Variants in COL25A1 observed in about 807,000 individuals in gnomAD.
COL25A1 encodes collagen type XXV alpha 1 chain, also known as collagen alpha-1(XXV) chain.
COL25A1 carries 103 observed loss-of-function variants against 128.4 expected under a neutral mutation model. That is an observed-to-expected ratio of 0.80 (90% CI 0.68 to 0.94). The LOEUF is 0.94. Among genes scored for constraint, COL25A1 ranks in the 40% least tolerant of loss-of-function variants. The probability of loss-of-function intolerance (pLI) is 0.00; values close to 1 mark genes in which losing one functional copy is unlikely to be tolerated. For synonymous variants in COL25A1, 279 were observed against 277.2 expected, an observed-to-expected ratio of 1.01 and a Z score of -0.06; for missense variants, 745 against 840.0, an observed-to-expected ratio of 0.89 and a Z score of 1.40.
chr4:109,254,503 ATATG>A (rs1358075506), intron 3 of COL25A1, among the ~76,000 whole-genome samples: 1 of 113,900 alleles, frequency 8.8e-6, no homozygotes, highest in Non-Finnish European at 1.8e-5. Context: ...ATATATATAT[ATATG>A]TATGTGTGTA....
chr4:109,086,783 T>C (rs904641444), intron 3 of COL25A1, among the ~76,000 whole-genome samples: 6 of 152,194 alleles, frequency 3.9e-5, no homozygotes, highest in Non-Finnish European at 8.8e-5. Flanking sequence ...CTGTTTCTAC[T>C]CAGAGGGGCC....
At position 109,200,368 on chromosome 4, in the gene COL25A1, T is replaced by C. The variant is rs117759369; in HGVS notation, c.367+100215A>G. On this transcript the variant is annotated intron_variant, in intron 3 of 37. Coordinates refer to ENST00000399132, the MANE Select transcript of COL25A1 (RefSeq NM_198721.4). ...GCATTCTGGCAATTTTATCAAAGAA[T>C]TTTGAATCACCAAATCCATGGCTCT... Among the ~76,000 whole-genome samples the C allele has an allele frequency of 0.011, 1,633 of 152,334 alleles. 59 individuals carry two copies. The South Asian group carries it at 0.14, about 13-fold the overall frequency.
intron 31 of COL25A1, among the ~76,000 whole-genome samples, chr4:108,835,934 C>A (rs552927502): frequency 7.7e-6 from 1 of 129,698 alleles, no homozygotes; most frequent in Non-Finnish European, 1.5e-5. Flanking sequence ...TGCAGTGGCG[C>A]GATCTCAGTT....
intron 3 of COL25A1, among the ~76,000 whole-genome samples, chr4:109,298,419 T>G (rs1725195811): frequency 6.6e-6 from 1 of 152,120 alleles, no homozygotes; most frequent in Non-Finnish European, 1.5e-5. Flanking sequence ...AACAAGAGTG[T>G]TAACTTCAAG....
At chr4:108,950,299 C>A (rs1749258257) in intron 8 of COL25A1, among the ~76,000 whole-genome samples, 1 of 152,196 alleles carries the variant, frequency 6.6e-6, no homozygotes, top group African/African-American at 2.4e-5. Context: ...CTAAGCTCTG[C>A]TTCCCAGCAG....
intron 3 of COL25A1, among the ~76,000 whole-genome samples, chr4:109,248,944 C>T (rs1158648615): frequency 2.0e-5 from 3 of 152,190 alleles, no homozygotes; most frequent in Admixed American, 2.0e-4. Flanking sequence ...CAGCTAGTGG[C>T]ATACAATTAA....
chr4:109,052,421 A>G (rs1253169008), intron 3 of COL25A1, among the ~76,000 whole-genome samples: 2 of 152,218 alleles, frequency 1.3e-5, no homozygotes, highest in Non-Finnish European at 2.9e-5. Context: ...TCTATTGAAT[A>G]TGGTAGGGTT....
intron 3 of COL25A1, among the ~76,000 whole-genome samples, chr4:109,247,688 C>A (rs553732132): frequency 5.9e-5 from 9 of 152,032 alleles, no homozygotes; most frequent in Non-Finnish European, 1.0e-4. Context: ...CTTGAACATG[C>A]TAGGTGGGAA....
chr4:108,980,882 T>C (rs1000474869), intron 6 of COL25A1, among the ~76,000 whole-genome samples: 1 of 152,242 alleles, frequency 6.6e-6, no homozygotes. Flanking sequence ...TTCTTTCTGA[T>C]GTGCTCAGGC....
intron 3 of COL25A1, among the ~76,000 whole-genome samples, chr4:109,254,469 TTATATATATATATATATATATATATA>T (rs55997800): frequency 0.053 from 3,187 of 59,608 alleles, 318 homozygotes; most frequent in African/African-American, 0.17. Context: ...AGGCATATGT[TTATATATATATATATATATATATATA>T]TATATATATA....
chr4:108,941,233 T>G, intron 9 of COL25A1, 133 bp downstream of exon 9: 1 of 549,512 alleles, frequency 1.8e-6, no homozygotes, highest in African/African-American at 1.9e-5. Flanking sequence ...TAATTTTGTT[T>G]GAGGATATTT....
At chr4:109,248,087 C>T (rs576377068) in intron 3 of COL25A1, among the ~76,000 whole-genome samples, 136 of 151,942 alleles carry the variant, frequency 9.0e-4, no homozygotes, top group Non-Finnish European at 1.3e-3. Context: ...TTACCTTCTA[C>T]GCATGCCTAT....
chr4:109,007,625 A>G (rs1225704240), intron 6 of COL25A1, among the ~76,000 whole-genome samples: 1 of 152,200 alleles, frequency 6.6e-6, no homozygotes, highest in Non-Finnish European at 1.5e-5. Context: ...GAGATTTCAC[A>G]TCCACTAAAG....
chr4:109,202,638 A>G (rs1445850833), intron 3 of COL25A1, among the ~76,000 whole-genome samples: 1 of 152,204 alleles, frequency 6.6e-6, no homozygotes, highest in East Asian at 1.9e-4. Flanking sequence ...TAGTATGTAA[A>G]TTAGTTTGTC....
At chr4:109,036,659 A>T (rs1005641873) in intron 5 of COL25A1, among the ~76,000 whole-genome samples, 12 of 152,218 alleles carry the variant, frequency 7.9e-5, no homozygotes, top group African/African-American at 2.9e-4. Context: ...GGAAACCACA[A>T]GCTGATTAGT....
At chr4:109,241,098 T>C (rs1422894000) in intron 3 of COL25A1, among the ~76,000 whole-genome samples, 1 of 151,994 alleles carries the variant, frequency 6.6e-6, no homozygotes. Flanking sequence ...CATCAGCCTA[T>C]CAGTAGAAGA....
intron 3 of COL25A1, among the ~76,000 whole-genome samples, chr4:109,156,108 A>C (rs1393256109): frequency 6.6e-6 from 1 of 152,172 alleles, no homozygotes; most frequent in Admixed American, 6.5e-5. Context: ...AGGAGCTCTA[A>C]TTTGACCTCC....
chr4:108,846,906 T>TTA (rs11398673), intron 27 of COL25A1, among the ~76,000 whole-genome samples: 5 of 21,378 alleles, frequency 2.3e-4, no homozygotes, highest in African/African-American at 3.7e-4. Flanking sequence ...AATTTTGTAA[T>TTA]TTTTTTTTTT....
chr4:109,260,323 T>A (rs1781357397), intron 3 of COL25A1, among the ~76,000 whole-genome samples: 1 of 152,150 alleles, frequency 6.6e-6, no homozygotes. Context: ...GGTCAAATTT[T>A]TTTTAAAAAT....
Sources: allele counts gnomAD v4.1 joint callset (sites outside exome capture counted in the v4.1 genomes callset), GRCh38; gene constraint gnomAD v4.1.1; transcripts MANE v1.5; gene names NCBI Gene and HGNC (gene_info 2026-07-23, HGNC 2026-07-21).